Variants in TPX2 observed in about 807,000 individuals in gnomAD.
TPX2 encodes the protein TPX2 microtubule nucleation factor.
A neutral mutation model predicts 93.6 loss-of-function variants in TPX2; 21 were observed. That is an observed-to-expected ratio of 0.22 (90% confidence interval 0.16 to 0.32). The LOEUF (loss-of-function observed/expected upper bound fraction) is 0.32, where lower values mean the gene tolerates loss of function less well. Among genes scored for constraint, TPX2 ranks in the 10% least tolerant of loss-of-function variants. TPX2 has a pLI of 1.00. For missense variants in TPX2, 776 were observed against 871.1 expected, an observed-to-expected ratio of 0.89 and a Z score of 1.37; for synonymous variants, 281 against 298.3, an observed-to-expected ratio of 0.94 and a Z score of 0.60.
intron 2 of TPX2, among the ~76,000 whole-genome samples, chr20:31,746,351 TTC>T (rs1266784005): frequency 6.6e-6 from 1 of 152,212 alleles, no homozygotes; most frequent in African/African-American, 2.4e-5. Flanking sequence ...TGTAGGTGTT[TTC>T]TCTCTGGGTA....
rs73613738 is a variant in TPX2, at chr20:31,756,575, C to T, written c.-70-832C>T. On this transcript the variant is annotated intron_variant, in intron 2 of 17. Coordinates refer to ENST00000300403, the MANE Select transcript of TPX2 (RefSeq NM_012112.5). Reference sequence around the variant, plus strand: ...CAGTGTAGATACTTATCAAACTTTGCCTCTTTTAAAAAACATTTAGAAAAT... The same window carrying T: ...CAGTGTAGATACTTATCAAACTTTGTCTCTTTTAAAAAACATTTAGAAAAT... 5.0e-3 allele frequency among the ~76,000 whole-genome samples: 753 copies of T among 151,478 alleles called. 38 individuals are homozygous for T. The East Asian group carries it at 0.11, about 23-fold the overall frequency.
intron 2 of TPX2, among the ~76,000 whole-genome samples, chr20:31,751,428 A>C (rs1317753866): frequency 2.0e-5 from 3 of 152,148 alleles, no homozygotes; most frequent in Non-Finnish European, 4.4e-5. Context: ...CAAGAAAAGG[A>C]AAATTTCCTC....
chr20:31,776,470 T>A (rs1314516809), intron 8 of TPX2, among the ~76,000 whole-genome samples: 2 of 152,164 alleles, frequency 1.3e-5, no homozygotes, highest in Non-Finnish European at 2.9e-5. Context: ...CTTAGCACTT[T>A]CTACATATAT....
chr20:31,782,025 A>C (rs183392737), intron 10 of TPX2, among the ~76,000 whole-genome samples: 1 of 152,314 alleles, frequency 6.6e-6, no homozygotes, highest in East Asian at 1.9e-4. Flanking sequence ...AGATGACAGT[A>C]GAGTTTACCC....
At chr20:31,754,044 A>G (rs958805052) in intron 2 of TPX2, among the ~76,000 whole-genome samples, 9 of 151,802 alleles carry the variant, frequency 5.9e-5, no homozygotes, top group African/African-American at 2.2e-4. Flanking sequence ...CAAAACAAAA[A>G]CAACAACAAT....
At chr20:31,761,107 T>C (rs2061887431) in intron 4 of TPX2, among the ~76,000 whole-genome samples, 1 of 152,142 alleles carries the variant, frequency 6.6e-6, no homozygotes, top group African/African-American at 2.4e-5. Flanking sequence ...TTAGAACATT[T>C]GAAAAGTATT....
intron 2 of TPX2, among the ~76,000 whole-genome samples, chr20:31,743,378 G>A (rs1799948642): frequency 6.6e-6 from 1 of 151,952 alleles, no homozygotes; most frequent in African/African-American, 2.4e-5. Context: ...TATTGTTTAG[G>A]GAATAATGAC....
chr20:31,769,431 G>T (rs2061950441), intron 5 of TPX2, among the ~76,000 whole-genome samples: 1 of 150,512 alleles, frequency 6.6e-6, no homozygotes, highest in South Asian at 2.1e-4. Flanking sequence ...CCATTCTCCT[G>T]CCTCAGCCTC....
At chr20:31,755,853 C>T (rs1315073833) in intron 2 of TPX2, among the ~76,000 whole-genome samples, 1 of 151,888 alleles carries the variant, frequency 6.6e-6, no homozygotes, top group African/African-American at 2.4e-5. Flanking sequence ...AGATTACTTT[C>T]AGCTATTTTA....
chr20:31,745,448 G>C (rs2061778273), intron 2 of TPX2, among the ~76,000 whole-genome samples: 1 of 151,326 alleles, frequency 6.6e-6, no homozygotes, highest in African/African-American at 2.4e-5. Context: ...TCCTGCCTCA[G>C]CCTCCCGAGT....
intron 15 of TPX2, among the ~76,000 whole-genome samples, chr20:31,795,067 C>T (rs913099799): frequency 3.3e-5 from 5 of 152,072 alleles, no homozygotes; most frequent in South Asian, 2.1e-4. Context: ...GTGATCTGTC[C>T]GCCTCGGCTT....
At chr20:31,759,928 C>A (rs1219789594) in intron 3 of TPX2, 129 bp from the exon 4 acceptor site, 2 of 1,250,046 alleles carry the variant, frequency 1.6e-6, no homozygotes, top group Non-Finnish European at 2.2e-6. Flanking sequence ...ATTGCTAGAA[C>A]TTTGCTTGTA....
At position 31,797,453 on chromosome 20, in the gene TPX2, G is replaced by A. The variant is rs750957560; in HGVS notation, c.1883G>A (p.Arg628His). 7.4e-6 allele frequency: 12 copies of A among 1,614,008 alleles called. No homozygotes were observed. In the South Asian group the frequency reaches 1.1e-4, roughly 15 times the overall value. The stretch of plus-strand genomic sequence containing the variant: ...AAAGAAGCAGCTTGTTTCAAGGCTC[G>A]TCCAAACACCGTCATCTCTCAGGAG... ...QQKEAACFKA[R>H]PNTVISQEPF... Residue 628 changes from arginine (R) to histidine (H), a missense_variant, in exon 16 of 18, where the codon CGT (arginine) becomes CAT (histidine). Transcript: ENST00000300403.
chr20:31,770,597 A>G, intron 6 of TPX2, 126 bp downstream of exon 6: 1 of 934,370 alleles, frequency 1.1e-6, no homozygotes, highest in South Asian at 2.8e-5. Flanking sequence ...TACATCTGTA[A>G]TATGTTTGGT....
chr20:31,783,401 C>G (rs904841312), intron 11 of TPX2, among the ~76,000 whole-genome samples: 3 of 152,042 alleles, frequency 2.0e-5, no homozygotes, highest in East Asian at 1.9e-4. Context: ...CAGGTGTGCA[C>G]CACCACGCCC....
At chr20:31,766,436 T>G (rs1351344817) in intron 4 of TPX2, 120 bp from the exon 5 acceptor site, 3 of 1,131,540 alleles carry the variant, frequency 2.7e-6, no homozygotes, top group Non-Finnish European at 2.4e-6. Context: ...GGAACTAAGG[T>G]TTCTGTGGCT....
intron 2 of TPX2, among the ~76,000 whole-genome samples, chr20:31,755,347 G>T (rs1013681467): frequency 6.6e-6 from 1 of 151,676 alleles, no homozygotes; most frequent in African/African-American, 2.4e-5. Flanking sequence ...GCCTCTCAAA[G>T]TGCTGGGATT....
chr20:31,766,889 C>G (rs6058457), intron 5 of TPX2, among the ~76,000 whole-genome samples: 55,145 of 149,652 alleles, frequency 0.37, 12,245 homozygotes, highest in African/African-American at 0.61. Flanking sequence ...CAACCTCTGC[C>G]CCACCGTGTT....
intron 4 of TPX2, among the ~76,000 whole-genome samples, chr20:31,760,994 G>C (rs916265032): frequency 2.0e-5 from 3 of 152,066 alleles, no homozygotes; most frequent in African/African-American, 7.2e-5. Context: ...GAAAAAAACA[G>C]CTGTATTTAG....
Sources: allele counts gnomAD v4.1 joint callset (sites outside exome capture counted in the v4.1 genomes callset), GRCh38; gene constraint gnomAD v4.1.1; transcripts MANE v1.5; gene names NCBI Gene and HGNC (gene_info 2026-07-23, HGNC 2026-07-21).